The following PDE5A variants were observed in gnomAD, a reference collection of about 807,000 sequenced individuals.
PDE5A encodes phosphodiesterase 5A.
A neutral mutation model predicts 110.2 loss-of-function variants in PDE5A; 67 were observed. The ratio of observed to expected loss-of-function variants is 0.61; its 90% CI spans 0.50 to 0.75. The LOEUF is 0.75. Ranked by LOEUF, PDE5A falls within the 30% of genes least tolerant of loss-of-function variation. The pLI, the probability that PDE5A is intolerant of heterozygous loss-of-function variation, is 0.00. For missense variants in PDE5A, 862 were observed against 1,045.1 expected (o/e 0.82, Z 2.42); for synonymous variants, 328 against 351.2 (o/e 0.93, Z 0.74).
chr4:119,540,300 T>C lies in PDE5A; in HGVS notation c.1573-1281A>G, dbSNP rs896230567. Among the ~76,000 whole-genome samples, 6 of 152,286 alleles carry C rather than the reference T, an allele frequency of 3.9e-5. No homozygotes were observed. In the East Asian group the frequency reaches 1.2e-3, roughly 29 times the overall value. ...CTTTAAAATTTTAAGTAATTAAAAA[T>C]TTAAAGCCAAATGATACATATTTGT... On this transcript the variant is annotated intron_variant, in intron 10 of 20. Transcript: ENST00000354960.
At chr4:119,606,305 A>AG (rs3836710) in intron 2 of PDE5A, among the ~76,000 whole-genome samples, 23,111 of 152,020 alleles carry the variant, frequency 0.15, 1,904 homozygotes, top group African/African-American at 0.2. Context: ...AGAGACTATG[A>AG]GTTTTTTTTT....
At chr4:119,537,583 G>A (rs1169366299) in intron 11 of PDE5A, among the ~76,000 whole-genome samples, 1 of 151,914 alleles carries the variant, frequency 6.6e-6, no homozygotes, top group African/African-American at 2.4e-5. Flanking sequence ...ATATTCACAG[G>A]AGTTCTGTTC....
rs33998714 is a variant in PDE5A at position 119,569,507 on chromosome 4, T to TAA, written c.832-2365_832-2364dup. ...TTTGTACCAATAAATAAAGAAATAT[T>TAA]AAAAAAAAAACAAGTTCTGTCAAGA... On this transcript the variant is annotated intron_variant, in intron 3 of 20. Transcript: ENST00000354960. 6.8e-3 allele frequency among the ~76,000 whole-genome samples: 1,008 copies of TAA among 147,512 alleles called. 7 individuals carry two copies. Among genetic ancestry groups the TAA allele is most frequent in the South Asian group, 0.015 (68 of 4,662 alleles).
intron 5 of PDE5A, among the ~76,000 whole-genome samples, chr4:119,564,817 T>G (rs1348644295): frequency 6.6e-6 from 1 of 152,152 alleles, no homozygotes; most frequent in African/African-American, 2.4e-5. Flanking sequence ...TCATCATGGT[T>G]GTAGAACAGT....
intron 18 of PDE5A, among the ~76,000 whole-genome samples, chr4:119,503,996 T>C (rs1021965359): frequency 1.3e-5 from 2 of 152,108 alleles, no homozygotes; most frequent in Admixed American, 6.6e-5. Flanking sequence ...ATGTCTGGTA[T>C]ATATGTATAT....
intron 18 of PDE5A, among the ~76,000 whole-genome samples, chr4:119,503,247 T>C (rs936755748): frequency 8.5e-5 from 13 of 152,134 alleles, no homozygotes; most frequent in Admixed American, 7.9e-4. Flanking sequence ...CAATCCTAAA[T>C]AGCATATTTA....
intron 1 of PDE5A, among the ~76,000 whole-genome samples, chr4:119,621,881 A>G (rs949690888): frequency 2.6e-5 from 4 of 152,220 alleles, no homozygotes; most frequent in African/African-American, 9.6e-5. Context: ...AGTTTGAAAA[A>G]TGAGATTGGC....
intron 1 of PDE5A, among the ~76,000 whole-genome samples, chr4:119,625,567 G>A (rs1387667293): frequency 6.6e-6 from 1 of 152,146 alleles, no homozygotes; most frequent in African/African-American, 2.4e-5. Context: ...GGTGCAGATG[G>A]ACGATCTGGG....
At chr4:119,500,923 C>A in intron 20 of PDE5A, 1 of 475,208 alleles carries the variant, frequency 2.1e-6, no homozygotes, top group Non-Finnish European at 3.7e-6. Flanking sequence ...AACACTGGCA[C>A]ATAATTCTTC....
chr4:119,560,991 T>C (rs1293492609), intron 6 of PDE5A, among the ~76,000 whole-genome samples: 1 of 152,134 alleles, frequency 6.6e-6, no homozygotes, highest in Non-Finnish European at 1.5e-5. Flanking sequence ...GTTGTGGGCA[T>C]GCCTCTGTCA....
chr4:119,553,892 T>C (rs927162899), intron 7 of PDE5A, 146 bp from the exon 8 acceptor site: 1 of 565,222 alleles, frequency 1.8e-6, no homozygotes, highest in Non-Finnish European at 3.1e-6. Flanking sequence ...TTAAATGTGT[T>C]TGATGATTTA....
chr4:119,553,399 G>A (rs1436970398), intron 8 of PDE5A, among the ~76,000 whole-genome samples: 1 of 151,946 alleles, frequency 6.6e-6, no homozygotes, highest in Non-Finnish European at 1.5e-5. Flanking sequence ...TTCAAAAATA[G>A]TACGGTAACT....
intron 11 of PDE5A, among the ~76,000 whole-genome samples, chr4:119,532,622 A>G (rs1726584467): frequency 6.6e-6 from 1 of 152,122 alleles, no homozygotes; most frequent in African/African-American, 2.4e-5. Flanking sequence ...TACATTTATA[A>G]AATGTATGGT....
chr4:119,519,265 A>C, intron 13 of PDE5A, 126 bp from the exon 14 acceptor site: 2 of 673,086 alleles, frequency 3.0e-6, no homozygotes, highest in East Asian at 5.5e-5. Context: ...CTCTATAGTC[A>C]CAAAGGACTA....
At chr4:119,530,032 G>C (rs755905096) in intron 11 of PDE5A, among the ~76,000 whole-genome samples, 13 of 152,108 alleles carry the variant, frequency 8.5e-5, no homozygotes, top group Non-Finnish European at 1.6e-4. Context: ...AAACCTTCCA[G>C]GTGATTCTGA....
At position 119,541,575 on chromosome 4, in the gene PDE5A, A is replaced by G. The variant is rs191694833; in HGVS notation, c.1572+884T>C. 8.9e-4 allele frequency among the ~76,000 whole-genome samples: 135 copies of G among 152,248 alleles called. 1 individual carries two copies. The South Asian group carries it at 0.024, about 27-fold the overall frequency. ...TAAAGGGTACCATCTGGTATATTTT[A>G]TATAATATATGTCTCTCTAGCTCTT... On this transcript the variant is annotated intron_variant, in intron 10 of 20. Transcript: ENST00000354960.
chr4:119,517,383 C>A (rs1481808957), intron 14 of PDE5A, among the ~76,000 whole-genome samples: 2 of 150,752 alleles, frequency 1.3e-5, no homozygotes, highest in Non-Finnish European at 3.0e-5. Flanking sequence ...CTTTAAGTAT[C>A]ACTCATTTAC....
chr4:119,512,204 GA>G (rs1445736128), intron 14 of PDE5A: 2 of 152,122 alleles, frequency 1.3e-5, no homozygotes, highest in African/African-American at 4.8e-5. Flanking sequence ...GAGGGAAAAA[GA>G]AAATAGTAAA....
Position 119,602,936 on chromosome 4 carries a change from G to C in PDE5A, c.741+3773C>G, listed in dbSNP as rs891807449. On this transcript the variant is annotated intron_variant, in intron 2 of 20. Transcript: ENST00000354960. ...AGTGTCTGTCCTGGAGTAGAAACAG[G>C]ACATGAGTCTGAGTTTTGCACTCTA... 2.6e-5 allele frequency among the ~76,000 whole-genome samples: 4 copies of C among 152,172 alleles called. No homozygotes were observed. The South Asian group carries it at 6.2e-4, about 24-fold the overall frequency.
Sources: allele counts gnomAD v4.1 joint callset (sites outside exome capture counted in the v4.1 genomes callset), GRCh38; gene constraint gnomAD v4.1.1; transcripts MANE v1.5; gene names NCBI Gene and HGNC (gene_info 2026-07-23, HGNC 2026-07-21).